The following ZNF423 variants were observed in gnomAD, a reference collection of about 807,000 sequenced individuals.
ZNF423 encodes zinc finger protein 423.
In ZNF423, 12 loss-of-function variants were observed where a neutral mutation model predicts 95.8. The ratio of observed to expected loss-of-function variants is 0.13; its 90% CI spans 0.08 to 0.20. The LOEUF is 0.20. Among genes scored for constraint, ZNF423 ranks in the 10% least tolerant of loss-of-function variants. The pLI is 1.00. For synonymous variants in ZNF423, 749 were observed against 711.9 expected (o/e 1.05, Z -0.83); for missense variants, 1,316 against 1,737.1 (o/e 0.76, Z 4.31).
chr16:49,813,473 T>C (rs1323467280), intron 1 of ZNF423, among the ~76,000 whole-genome samples: 4 of 151,962 alleles, frequency 2.6e-5, no homozygotes, highest in Non-Finnish European at 5.9e-5. Flanking sequence ...GTGCCACCAG[T>C]CAAAATGCCC....
At chr16:49,510,942 C>T (rs919868976) in intron 7 of ZNF423, among the ~76,000 whole-genome samples, 1 of 152,222 alleles carries the variant, frequency 6.6e-6, no homozygotes, top group East Asian at 1.9e-4. Context: ...GTTGGTTGGC[C>T]CCCTGCCCTA....
rs1472258167 is a variant in ZNF423 at position 49,638,297 on chromosome 16, G to A, written c.879C>T (p.Arg293=). 1.2e-6 allele frequency: 2 copies of A among 1,613,816 alleles called. No individual in the cohort carries two copies. Among genetic ancestry groups the A allele is most frequent in the Non-Finnish European group, 1.7e-6 (2 of 1,180,046 alleles). Residue 293 remains arginine (R), a synonymous_variant, in exon 4 of 8, where the codon CGC becomes CGT. Transcript: ENST00000563137. This position sits in a 1 kb window ranked among gnomAD's most constrained non-coding sequence, Gnocchi z 5.6. ...TEELEKHVLT[R]HPQLSEKADL... The stretch of plus-strand genomic sequence containing the variant: ...CCGCCTTCTCGGACAGCTGCGGGTG[G>A]CGGGTGAGCACGTGCTTCTCCAGCT...
chr16:49,684,362 T>C (rs1196563189), intron 3 of ZNF423, among the ~76,000 whole-genome samples: 1 of 152,218 alleles, frequency 6.6e-6, no homozygotes, highest in Non-Finnish European at 1.5e-5. Context: ...GGCCAGATTA[T>C]ATCAGGGATA....
At chr16:49,739,444 A>G (rs1045164928) in intron 2 of ZNF423, among the ~76,000 whole-genome samples, 2 of 152,112 alleles carry the variant, frequency 1.3e-5, no homozygotes, top group Non-Finnish European at 2.9e-5. Context: ...CCAAAAGAAA[A>G]AAAATCCACT....
At chr16:49,645,636 G>T (rs1311355569) in intron 3 of ZNF423, among the ~76,000 whole-genome samples, 1 of 152,206 alleles carries the variant, frequency 6.6e-6, no homozygotes, top group African/African-American at 2.4e-5. Flanking sequence ...TGGTCACAGA[G>T]AGACAAGAGG....
intron 2 of ZNF423, among the ~76,000 whole-genome samples, chr16:49,746,833 A>G (rs1024678670): frequency 1.3e-5 from 2 of 152,028 alleles, no homozygotes; most frequent in South Asian, 4.2e-4. Context: ...TCCTCCTAAC[A>G]GCTGGAGCCC....
intron 5 of ZNF423, among the ~76,000 whole-genome samples, chr16:49,592,919 T>C (rs1488906960): frequency 1.3e-5 from 2 of 152,328 alleles, no homozygotes; most frequent in African/African-American, 4.8e-5. Flanking sequence ...GAAGAAGATA[T>C]GTTAGCAAGG....
chr16:49,522,276 C>G (rs566795810), intron 7 of ZNF423, among the ~76,000 whole-genome samples: 1 of 152,122 alleles, frequency 6.6e-6, no homozygotes, highest in Non-Finnish European at 1.5e-5. Flanking sequence ...GGCATGCCCG[C>G]GGGACTTACT....
chr16:49,610,156 C>T (rs7204745), intron 5 of ZNF423, among the ~76,000 whole-genome samples: 33,842 of 151,972 alleles, frequency 0.22, 4,218 homozygotes, highest in African/African-American at 0.33. Context: ...TAAGAGAATG[C>T]GTCACCAGCA....
chr16:49,667,709 C>T (rs898780953), intron 3 of ZNF423, among the ~76,000 whole-genome samples: 2 of 152,136 alleles, frequency 1.3e-5, no homozygotes, highest in Non-Finnish European at 2.9e-5. Flanking sequence ...TAGCAAGACC[C>T]TATGTTTACA....
chr16:49,628,457 T>C (rs2151869528), intron 4 of ZNF423, among the ~76,000 whole-genome samples: 1 of 152,012 alleles, frequency 6.6e-6, no homozygotes, highest in Middle Eastern at 3.4e-3. Flanking sequence ...TATTCACCCA[T>C]CAGTCTATCC....
intron 6 of ZNF423, 103 bp from the exon 7 acceptor site, chr16:49,523,842 G>T (rs114407874): frequency 1.1e-5 from 10 of 889,198 alleles, no homozygotes; most frequent in Non-Finnish European, 1.8e-5. Flanking sequence ...CTGTGGCATA[G>T]GTACAGTCAG....
chr16:49,636,209 G>A lies in ZNF423; in HGVS notation c.2967C>T (p.His989=). The change falls in exon 4 of 8, where the codon CAC becomes CAT. Residue 989 remains histidine, a synonymous_variant. Transcript: ENST00000563137. The surrounding 1 kb of genome is among the most constrained non-coding windows in gnomAD (Gnocchi z 8.6). ...AGGTGCCCGTGTCCAGGCTCTTGCT[G>A]TGGGTCACCTTGTGTTCGGTGAGCG... ...LLTLTEHKVT[H]SKSLDTGTCR... The A allele has an allele frequency of 6.2e-7, 1 of 1,613,388 alleles. No individual in the cohort carries two copies. Among genetic ancestry groups the A allele is most frequent in the Non-Finnish European group, 8.5e-7 (1 of 1,180,018 alleles).
At chr16:49,679,764 T>C (rs1173491492) in intron 3 of ZNF423, among the ~76,000 whole-genome samples, 1 of 152,224 alleles carries the variant, frequency 6.6e-6, no homozygotes, top group East Asian at 1.9e-4. Flanking sequence ...AGCCCCACGT[T>C]CTAGCCAGAA....
At chr16:49,760,460 G>C (rs1041612555) in intron 2 of ZNF423, among the ~76,000 whole-genome samples, 8 of 152,090 alleles carry the variant, frequency 5.3e-5, no homozygotes, top group Non-Finnish European at 7.4e-5. Context: ...TACTTGCCAC[G>C]GACCCATCAG....
chr16:49,637,674 T>C lies in ZNF423; in HGVS notation c.1502A>G (p.Asn501Ser), dbSNP rs1364183755. The C allele has an allele frequency of 6.8e-6, 11 of 1,614,140 alleles. No individual in the cohort carries two copies. The highest frequency in any genetic ancestry group is 1.1e-5 in the South Asian group (1 of 91,082). ...GACGCGGATGTGCTCCTGCAGGCTA[T>C]TGATGTCGGCGAACATCTCGGGGCA... is the stretch of plus-strand genomic sequence containing the variant. ...NYCPEMFADI[N>S]SLQEHIRVSH... is the part of the protein sequence containing the mutation. Residue 501 changes from asparagine (N) to serine (S), a missense_variant, in exon 4 of 8, where the codon AAT (asparagine) becomes AGT (serine). By Grantham distance (46) the Asn-to-Ser change is conservative (BLOSUM62 1). This residue lies in a region of ZNF423 where 399 missense variants were observed against 478.5 expected (regional missense o/e 0.83). Coordinates refer to ENST00000563137, the MANE Select transcript of ZNF423 (RefSeq NM_001379286.1). This position sits in a 1 kb window ranked among gnomAD's most constrained non-coding sequence, Gnocchi z 5.6.
At chr16:49,818,779 C>T (rs1052915083) in intron 1 of ZNF423, among the ~76,000 whole-genome samples, 1 of 152,070 alleles carries the variant, frequency 6.6e-6, no homozygotes, top group Middle Eastern at 3.4e-3. Flanking sequence ...CCCAGCTACT[C>T]CAGAGGCTGA....
In ZNF423 at chr16:49,491,324, A is replaced by T; in HGVS notation, c.3850-20T>A. 1 of 1,613,930 alleles carries T rather than the reference A, an allele frequency of 6.2e-7. No individual in the cohort carries two copies. The highest frequency in any genetic ancestry group is 8.5e-7 in the Non-Finnish European group (1 of 1,180,016). On this transcript the variant is annotated intron_variant, in intron 7 of 7. Transcript: ENST00000563137. ...GTGGTTCTGCAAAGGCGAAGAAAGG[A>T]GACACACATGAAGGAGAAGAATGGA...
chr16:49,504,588 C>T (rs72784270), intron 7 of ZNF423, among the ~76,000 whole-genome samples: 1 of 152,016 alleles, frequency 6.6e-6, no homozygotes, highest in Non-Finnish European at 1.5e-5. Context: ...TCACCACCAC[C>T]AACAACAAAA....
Sources: allele counts gnomAD v4.1 joint callset (sites outside exome capture counted in the v4.1 genomes callset), GRCh38; gene constraint gnomAD v4.1.1; regional missense constraint gnomAD v4.1.1; non-coding constraint Gnocchi (gnomAD v3.1); transcripts MANE v1.5; gene names NCBI Gene and HGNC (gene_info 2026-07-23, HGNC 2026-07-21).